OTUD7A: variants seen among roughly 807,000 people sequenced by gnomAD.
The protein encoded by OTUD7A is OTU domain-containing protein 7A.
OTUD7A carries 12 observed loss-of-function variants against 65.7 expected under a neutral mutation model. The ratio of observed to expected loss-of-function variants is 0.18; its 90% CI spans 0.12 to 0.30. The LOEUF is 0.30. Ranked by LOEUF, OTUD7A falls within the 10% of genes least tolerant of loss-of-function variation. The pLI, the probability that OTUD7A is intolerant of heterozygous loss-of-function variation, is 1.00. For missense variants in OTUD7A, 1,148 were observed against 1,304.8 expected, an observed-to-expected ratio of 0.88 and a Z score of 1.85; for synonymous variants, 641 against 586.3, an observed-to-expected ratio of 1.09 and a Z score of -1.35.
intron 1 of OTUD7A, among the ~76,000 whole-genome samples, chr15:31,801,570 C>T (rs989270564): frequency 3.9e-5 from 6 of 152,206 alleles, no homozygotes; most frequent in African/African-American, 1.4e-4. Context: ...GCAATAATAA[C>T]ATTTTAAAGT....
At chr15:31,616,807 G>T (rs574060571) in intron 3 of OTUD7A, among the ~76,000 whole-genome samples, 2 of 152,168 alleles carry the variant, frequency 1.3e-5, no homozygotes, top group South Asian at 4.1e-4. Context: ...GCCTCCCAAA[G>T]TGCTGGGATT....
intron 1 of OTUD7A, chr15:31,765,997 C>A: frequency 6.5e-7 from 1 of 1,547,058 alleles, no homozygotes; most frequent in Non-Finnish European, 8.9e-7. Flanking sequence ...TCATCAAACT[C>A]CTGAGCACTA....
At chr15:31,639,636 C>T (rs1333585114) in intron 3 of OTUD7A, among the ~76,000 whole-genome samples, 1 of 151,520 alleles carries the variant, frequency 6.6e-6, no homozygotes, top group East Asian at 1.9e-4. Flanking sequence ...AAACCAGCAG[C>T]GTACAAATTT....
chr15:31,561,784 T>TCACACACACACACACACACACACACA (rs3075495), intron 4 of OTUD7A, among the ~76,000 whole-genome samples: 5 of 150,424 alleles, frequency 3.3e-5, no homozygotes, highest in South Asian at 2.1e-4. Flanking sequence ...ACACACAGAG[T>TCACACACACACACACACACACACACA]CACACACACA....
chr15:31,837,156 T>C (rs1401734418), intron 1 of OTUD7A, among the ~76,000 whole-genome samples: 1 of 152,048 alleles, frequency 6.6e-6, no homozygotes, highest in African/African-American at 2.4e-5. Context: ...AACATAAACA[T>C]ACAAAATAAA....
At chr15:31,670,060 C>T (rs4779772) in intron 1 of OTUD7A, among the ~76,000 whole-genome samples, 70,143 of 130,218 alleles carry the variant, frequency 0.54, 17,313 homozygotes, top group African/African-American at 0.73. Context: ...CCTCTCAGGA[C>T]TGCTGGTTTG....
chr15:31,829,137 T>C (rs1343937733), intron 1 of OTUD7A, among the ~76,000 whole-genome samples: 1 of 152,106 alleles, frequency 6.6e-6, no homozygotes, highest in Admixed American at 6.5e-5. Flanking sequence ...AAGCAAACTA[T>C]GGGGCAGTAG....
chr15:31,675,847 A>AT (rs1189669586), intron 1 of OTUD7A, among the ~76,000 whole-genome samples: 3 of 152,112 alleles, frequency 2.0e-5, no homozygotes, highest in Admixed American at 6.6e-5. Context: ...GGAAACCTTT[A>AT]TTTTTTTTCC....
rs752488028 is a variant in OTUD7A at position 31,484,182 on chromosome 15, C to T, written c.1914G>A (p.Gly638=). ...GGCCGGCGAAGATGAACTTGCGCTC[C>T]CCCTGCATGGCGGCGCGCAGGATGT... is the stretch of plus-strand genomic sequence containing the variant. ...SLNILRAAMQ[G]ERKFIFAGLL... The change falls in exon 13 of 13, where the codon GGG becomes GGA. Residue 638 remains glycine, a synonymous_variant. Transcript: ENST00000307050. This position sits in a 1 kb window ranked among gnomAD's most constrained non-coding sequence, Gnocchi z 4.5. The T allele has an allele frequency of 2.5e-6, 4 of 1,610,208 alleles. No individual in the cohort carries two copies. The highest frequency in any genetic ancestry group is 3.4e-6 in the Non-Finnish European group (4 of 1,179,472).
At chr15:31,765,008 C>A (rs116415266) in intron 1 of OTUD7A, among the ~76,000 whole-genome samples, 1 of 151,844 alleles carries the variant, frequency 6.6e-6, no homozygotes, top group Non-Finnish European at 1.5e-5. Context: ...TCATTGTCTC[C>A]GCATATCTGG....
intron 3 of OTUD7A, among the ~76,000 whole-genome samples, chr15:31,633,289 C>G (rs1387737489): frequency 6.6e-6 from 1 of 152,104 alleles, no homozygotes; most frequent in Non-Finnish European, 1.5e-5. Context: ...TTGTTTTAAA[C>G]CAATTTTGAT....
At chr15:31,610,723 G>A (rs560696910) in intron 3 of OTUD7A, among the ~76,000 whole-genome samples, 21 of 143,028 alleles carry the variant, frequency 1.5e-4, no homozygotes, top group Admixed American at 9.7e-4. Context: ...CCAGGTTCAC[G>A]CCATTCTCCT....
At chr15:31,795,845 T>A (rs941689083) in intron 1 of OTUD7A, among the ~76,000 whole-genome samples, 4 of 152,116 alleles carry the variant, frequency 2.6e-5, no homozygotes, top group African/African-American at 9.7e-5. Context: ...CCCATATGTA[T>A]CCCTGTAGGG....
At position 31,481,183 on chromosome 15, in the gene OTUD7A, A is replaced by T. The variant is rs1249143447; in HGVS notation, c.*2111T>A. 6.6e-6 allele frequency: 1 copy of T among 152,240 alleles called. No individual in the cohort carries two copies. Among genetic ancestry groups the T allele is most frequent in the Non-Finnish European group, 1.5e-5 (1 of 68,046 alleles). The allele number at this position is 152,240 out of a possible 1,614,324, so 9.4% of individuals were successfully genotyped here. A position where few individuals can be genotyped will look rare whatever the true frequency, so the allele number is the denominator to read the frequency against. On this transcript the variant is annotated 3_prime_UTR_variant, in exon 13 of 13. Coordinates refer to ENST00000307050, the MANE Select transcript of OTUD7A (RefSeq NM_001382637.1). ...TGTTTTTACATTAAGAAATGAAAAAAACAAGCAAGAATTGACTTTATGCCT... is the reference window on the plus strand; with the variant it reads ...TGTTTTTACATTAAGAAATGAAAAATACAAGCAAGAATTGACTTTATGCCT...
chr15:31,669,244 C>A (rs1329341698), intron 1 of OTUD7A, among the ~76,000 whole-genome samples: 1 of 152,118 alleles, frequency 6.6e-6, no homozygotes, highest in Non-Finnish European at 1.5e-5. Context: ...CTTCAGCTAC[C>A]AGGGTGGATA....
At chr15:31,711,962 G>T (rs933393896) in intron 1 of OTUD7A, among the ~76,000 whole-genome samples, 1 of 151,234 alleles carries the variant, frequency 6.6e-6, no homozygotes, top group African/African-American at 2.4e-5. Flanking sequence ...TGTCTCACTT[G>T]AGCGTCTACA....
intron 3 of OTUD7A, among the ~76,000 whole-genome samples, chr15:31,620,052 T>C (rs1890727635): frequency 6.6e-6 from 1 of 152,240 alleles, no homozygotes; most frequent in South Asian, 2.1e-4. Flanking sequence ...TGGTTCTGTT[T>C]ATATGCTGGA....
intron 5 of OTUD7A, among the ~76,000 whole-genome samples, chr15:31,539,568 G>A (rs1316731471): frequency 1.3e-5 from 2 of 152,128 alleles, no homozygotes; most frequent in Non-Finnish European, 2.9e-5. Flanking sequence ...GCATAAAGTT[G>A]GGTTTTTTGG....
At chr15:31,654,228 T>C (rs961313827) in intron 3 of OTUD7A, among the ~76,000 whole-genome samples, 2 of 112,990 alleles carry the variant, frequency 1.8e-5, no homozygotes, top group African/African-American at 7.0e-5. Context: ...CAGCATATTT[T>C]ATTCTAAACT....
Sources: gnomAD v4.1 joint callset for allele counts (sites outside exome capture counted in the v4.1 genomes callset) on GRCh38, gnomAD v4.1.1 for gene constraint, Gnocchi (gnomAD v3.1) non-coding constraint, MANE v1.5 for transcripts, NCBI Gene and HGNC (gene_info 2026-07-23, HGNC 2026-07-21) for gene names.